Variants in KCNK10 observed in about 807,000 individuals in gnomAD.
KCNK10 encodes the protein potassium two pore domain channel subfamily K member 10, also known as potassium channel subfamily K member 10.
KCNK10 carries 25 observed loss-of-function variants against 47.7 expected under a neutral mutation model. The observed-to-expected ratio is 0.52, with a 90% CI of 0.38 to 0.73. KCNK10 has a LOEUF of 0.73. Ranked by LOEUF, KCNK10 falls within the 30% of genes least tolerant of loss-of-function variation. KCNK10 has a pLI of 0.00. For synonymous variants in KCNK10, 303 were observed against 285.6 expected (o/e 1.06, Z -0.61); for missense variants, 563 against 714.5 (o/e 0.79, Z 2.42).
Position 88,186,751 on chromosome 14 carries a change from C to A in KCNK10, c.1012-596G>T, listed in dbSNP as rs1884575356. 6.6e-6 allele frequency among the ~76,000 whole-genome samples: 1 copy of A among 152,220 alleles called. No homozygotes were observed. The highest frequency in any genetic ancestry group is 2.4e-5 in the African/African-American group (1 of 41,466). ...CTGGGAAAACTGGGATGGGTGGCCA[C>A]CCTATCTGGGCCATGCTATGGTCAT... On this transcript the variant is annotated intron_variant, in intron 6 of 6. Transcript: ENST00000319231. This position sits in a 1 kb window ranked among gnomAD's most constrained non-coding sequence, Gnocchi z 5.5.
intron 2 of KCNK10, among the ~76,000 whole-genome samples, chr14:88,241,163 A>G: frequency 6.6e-6 from 1 of 152,256 alleles, no homozygotes; most frequent in Non-Finnish European, 1.5e-5. Flanking sequence ...ATGTTCACCC[A>G]AAGTGGGCAT....
intron 1 of KCNK10, among the ~76,000 whole-genome samples, chr14:88,268,706 C>A (rs964639665): frequency 6.6e-6 from 1 of 152,180 alleles, no homozygotes; most frequent in South Asian, 2.1e-4. Context: ...CCCTACAAAA[C>A]GTATCAATAA....
chr14:88,213,955 T>TTACTATTATTAC (rs1555360668), intron 4 of KCNK10, among the ~76,000 whole-genome samples: 5 of 144,358 alleles, frequency 3.5e-5, no homozygotes, highest in Non-Finnish European at 7.5e-5. Flanking sequence ...ATTATTATTA[T>TTACTATTATTAC]TGAGACAGAG....
At chr14:88,278,667 C>G (rs1292295975) in intron 1 of KCNK10, among the ~76,000 whole-genome samples, 1 of 152,156 alleles carries the variant, frequency 6.6e-6, no homozygotes, top group Non-Finnish European at 1.5e-5. Flanking sequence ...AGCCAAGGAA[C>G]AGAATCTTCA....
intron 4 of KCNK10, among the ~76,000 whole-genome samples, chr14:88,210,600 G>C (rs1013796768): frequency 1.2e-4 from 19 of 152,134 alleles, no homozygotes; most frequent in Non-Finnish European, 1.6e-4. Flanking sequence ...CCAGCTCTGC[G>C]CACAGGGCCC....
intron 3 of KCNK10, 111 bp from the exon 4 acceptor site, chr14:88,227,646 G>A (rs1194880944): frequency 2.2e-6 from 2 of 906,428 alleles, no homozygotes; most frequent in South Asian, 1.9e-5. Context: ...ATGAGCTTCA[G>A]GGAGTAGAAC....
At position 88,192,294 on chromosome 14, in the gene KCNK10, C is replaced by G; in HGVS notation, c.798G>C (p.Trp266Cys). The change falls in exon 5 of 7, where the codon TGG becomes TGC. Residue 266 changes from tryptophan (W) to cysteine (C), a missense_variant. By Grantham distance (215) the Trp-to-Cys change is radical. Transcript: ENST00000319231. Reference sequence around the variant, plus strand: ...CAAAGTAAATGGACTCCAAGGCCGTCCAGCCCTCGATGTACTTAAAGATGA... The same window carrying G: ...CAAAGTAAATGGACTCCAAGGCCGTGCAGCCCTCGATGTACTTAAAGATGA... The part of the protein sequence containing the change: ...PAVIFKYIEG[W>C]TALESIYFVV... 1.2e-6 allele frequency: 2 copies of G among 1,614,158 alleles called. No individual in the cohort carries two copies. The highest frequency in any genetic ancestry group is 8.5e-7 in the Non-Finnish European group (1 of 1,180,028).
intron 1 of KCNK10, among the ~76,000 whole-genome samples, chr14:88,289,902 G>C (rs972030803): frequency 6.6e-6 from 1 of 152,206 alleles, no homozygotes; most frequent in Admixed American, 6.5e-5. Flanking sequence ...TTATTACTAA[G>C]GGCATCGTGC....
intron 1 of KCNK10, among the ~76,000 whole-genome samples, chr14:88,278,613 C>A (rs1887579464): frequency 6.6e-6 from 1 of 152,172 alleles, no homozygotes; most frequent in Non-Finnish European, 1.5e-5. Flanking sequence ...AAGAGAAAAA[C>A]CGTTTTCCTA....
intron 4 of KCNK10, among the ~76,000 whole-genome samples, chr14:88,211,980 T>C (rs1486928103): frequency 6.6e-6 from 1 of 151,496 alleles, no homozygotes; most frequent in East Asian, 1.9e-4. Context: ...GCCCAGAATG[T>C]CATGGAAATT....
intron 1 of KCNK10, among the ~76,000 whole-genome samples, chr14:88,284,954 G>A (rs1887731041): frequency 6.6e-6 from 1 of 152,204 alleles, no homozygotes; most frequent in African/African-American, 2.4e-5. Flanking sequence ...CTCACAGGGT[G>A]CTTAGAATAT....
chr14:88,217,806 T>C (rs1885671650), intron 4 of KCNK10, among the ~76,000 whole-genome samples: 1 of 151,946 alleles, frequency 6.6e-6, no homozygotes, highest in Admixed American at 6.6e-5. Context: ...CACTGCAACC[T>C]CTGCCTCCCC....
chr14:88,260,011 C>T lies in KCNK10; in HGVS notation c.402+3191G>A, dbSNP rs560489515. ...AGGCTGGAGTGCAGTGGCATGATCT[C>T]GGCTCACTGCAACCTCTGCCTCCCA... On this transcript the variant is annotated intron_variant, in intron 2 of 6. Transcript: ENST00000319231. This position sits in a 1 kb window ranked among gnomAD's most constrained non-coding sequence, Gnocchi z 4.5. 2.7e-4 allele frequency among the ~76,000 whole-genome samples: 41 copies of T among 152,044 alleles called. No individual in the cohort carries two copies. Among genetic ancestry groups the T allele is most frequent in the South Asian group, 1.0e-3 (5 of 4,810 alleles).
chr14:88,266,904 G>A (rs1566708881), intron 1 of KCNK10, among the ~76,000 whole-genome samples: 1 of 152,176 alleles, frequency 6.6e-6, no homozygotes, highest in Non-Finnish European at 1.5e-5. Context: ...CCTGAGGCTG[G>A]GCAGAATTGG....
chr14:88,188,207 T>C, intron 5 of KCNK10, 98 bp from the exon 6 acceptor site: 3 of 1,375,860 alleles, frequency 2.2e-6, no homozygotes, highest in East Asian at 4.6e-5. Context: ...CATCCATCAT[T>C]GTTTAACACT....
In KCNK10 at chr14:88,267,248, C is replaced by A. The variant is rs189838575; in HGVS notation, c.53-3697G>T. ...TACCGGCACAGATCTCAGAATGTTA[C>A]AAAACCTTTTGTGCATTTCACTAAA... On this transcript the variant is annotated intron_variant, in intron 1 of 6. Coordinates refer to ENST00000319231, the MANE Select transcript of KCNK10 (RefSeq NM_138317.3). Among the ~76,000 whole-genome samples, 70 of 152,312 alleles carry A rather than the reference C, an allele frequency of 4.6e-4. 1 individual carries two copies. The highest frequency in any genetic ancestry group is 1.4e-3 in the African/African-American group (59 of 41,558).
In KCNK10 at chr14:88,181,016, A is replaced by G; in HGVS notation, c.*4519T>C. On this transcript the variant is annotated 3_prime_UTR_variant, in exon 7 of 7. Coordinates refer to ENST00000319231, the MANE Select transcript of KCNK10 (RefSeq NM_138317.3). ...CAATTGCATCCTAACAGTGAGAAAG[A>G]ATAACCCCATATTAGCAAAATGCAA... 1 of 395,106 alleles carries G rather than the reference A, an allele frequency of 2.5e-6. No individual in the cohort carries two copies. Among genetic ancestry groups the G allele is most frequent in the African/African-American group, 2.1e-5 (1 of 48,652 alleles). 24.5% of individuals were successfully genotyped at this position (395,106 alleles called of 1,614,324 possible). A position where few individuals can be genotyped will look rare whatever the true frequency, so the allele number is the denominator to read the frequency against.
At chr14:88,187,846 CCCCCGCT>C in intron 6 of KCNK10, 114 bp downstream of exon 6, 1 of 944,206 alleles carries the variant, frequency 1.1e-6, no homozygotes, top group Non-Finnish European at 1.6e-6. Context: ...TATGACCCGC[CCCCCGCT>C]CCCCCTGCAA....
chr14:88,316,702 T>C (rs937138143), intron 1 of KCNK10, among the ~76,000 whole-genome samples: 4 of 152,202 alleles, frequency 2.6e-5, no homozygotes, highest in Non-Finnish European at 4.4e-5. Flanking sequence ...TTATCCACCT[T>C]TCTGCATCAG....
Sources: allele counts gnomAD v4.1 joint callset (sites outside exome capture counted in the v4.1 genomes callset), GRCh38; gene constraint gnomAD v4.1.1; non-coding constraint Gnocchi (gnomAD v3.1); transcripts MANE v1.5; gene names NCBI Gene and HGNC (gene_info 2026-07-23, HGNC 2026-07-21).